The following CACNA2D3 variants were observed in gnomAD, a reference collection of about 807,000 sequenced individuals.
CACNA2D3 encodes the protein voltage-dependent calcium channel subunit alpha-2/delta-3.
Under a neutral mutation model 160.6 loss-of-function variants are expected in CACNA2D3, and 60 were observed. The observed-to-expected ratio is 0.37, with a 90% CI of 0.30 to 0.46. The LOEUF is 0.46. Among genes scored for constraint, CACNA2D3 ranks in the 20% least tolerant of loss-of-function variants. The pLI, the probability that CACNA2D3 is intolerant of heterozygous loss-of-function variation, is 1.00. For missense variants in CACNA2D3, 1,205 were observed against 1,365.0 expected (o/e 0.88, Z 1.85); for synonymous variants, 558 against 492.9 (o/e 1.13, Z -1.75).
At chr3:55,070,382 G>A (rs1403043576) in intron 35 of CACNA2D3, among the ~76,000 whole-genome samples, 1 of 152,150 alleles carries the variant, frequency 6.6e-6, no homozygotes, top group Non-Finnish European at 1.5e-5. Context: ...GTGCTATAAG[G>A]AAAAACAGAG....
At position 54,702,283 on chromosome 3, in the gene CACNA2D3, T is replaced by C. The variant is rs192656162; in HGVS notation, c.1168-50316T>C. Among the ~76,000 whole-genome samples, 309 of 152,298 alleles carry C rather than the reference T, an allele frequency of 2.0e-3. 1 individual carries two copies. The highest frequency in any genetic ancestry group is 6.8e-3 in the African/African-American group (283 of 41,574). On this transcript the variant is annotated intron_variant, in intron 11 of 37. Transcript: ENST00000474759. ...TGGGACCTAACTAAACTGAAGAGCT[T>C]CTGCACAGCAAAAGAAGTTATCAAC...
chr3:54,195,147 C>T (rs978827552), intron 2 of CACNA2D3, among the ~76,000 whole-genome samples: 1 of 152,202 alleles, frequency 6.6e-6, no homozygotes, highest in African/African-American at 2.4e-5. Flanking sequence ...AGTCCCGCCT[C>T]CCAGAGGTCC....
intron 13 of CACNA2D3, among the ~76,000 whole-genome samples, chr3:54,794,110 A>G (rs905548666): frequency 2.6e-5 from 4 of 152,166 alleles, no homozygotes; most frequent in African/African-American, 4.8e-5. Flanking sequence ...ATATATAATG[A>G]TCACACATAT....
At chr3:54,397,292 AG>A (rs1699373672) in intron 4 of CACNA2D3, among the ~76,000 whole-genome samples, 1 of 41,756 alleles carries the variant, frequency 2.4e-5, no homozygotes. Context: ...GATTTTTTGA[AG>A]GGTTTTTTGT....
intron 14 of CACNA2D3, among the ~76,000 whole-genome samples, chr3:54,836,874 G>A (rs1698702316): frequency 1.3e-5 from 2 of 152,220 alleles, no homozygotes; most frequent in Admixed American, 6.5e-5. Context: ...AAATGAATCA[G>A]GAAGATCCAA....
chr3:54,484,403 T>C (rs1425230897), intron 4 of CACNA2D3, among the ~76,000 whole-genome samples: 1 of 152,210 alleles, frequency 6.6e-6, no homozygotes, highest in Non-Finnish European at 1.5e-5. Flanking sequence ...TTTTTTCCTT[T>C]TAATCAGAGA....
intron 9 of CACNA2D3, among the ~76,000 whole-genome samples, chr3:54,602,280 C>G (rs1257746258): frequency 6.6e-6 from 1 of 152,004 alleles, no homozygotes; most frequent in African/African-American, 2.4e-5. Flanking sequence ...GGCGGATCAC[C>G]TGAAGTCAGG....
chr3:54,652,167 G>C lies in CACNA2D3; in HGVS notation c.1167+9926G>C, dbSNP rs112366641. ...CCTCCACACGACCGTCACTCTGGCTGTCTGTATTCTTCATCCCATAGGACT... is the reference window on the plus strand; with the variant it reads ...CCTCCACACGACCGTCACTCTGGCTCTCTGTATTCTTCATCCCATAGGACT... On this transcript the variant is annotated intron_variant, in intron 11 of 37. Coordinates refer to ENST00000474759, the MANE Select transcript of CACNA2D3 (RefSeq NM_018398.3). 1.3e-3 allele frequency among the ~76,000 whole-genome samples: 196 copies of C among 151,996 alleles called. 1 individual carries two copies. The highest frequency in any genetic ancestry group is 4.4e-3 in the African/African-American group (183 of 41,538).
rs574522019 is a variant in CACNA2D3, at chr3:54,933,867, C to T, written c.2449+33999C>T. Among the ~76,000 whole-genome samples, 4 of 151,778 alleles carry T rather than the reference C, an allele frequency of 2.6e-5. No homozygotes were observed. In the East Asian group the frequency reaches 7.8e-4, roughly 30 times the overall value. On this transcript the variant is annotated intron_variant, in intron 27 of 37. Transcript: ENST00000474759. ...TACTGCAACCTCCACCTCCCAGGTT[C>T]AAGCAATTCTCCTGCCTCAGCCTCC...
In CACNA2D3 at chr3:54,924,596, G is replaced by T. The variant is rs762226202; in HGVS notation, c.2449+24728G>T. On this transcript the variant is annotated intron_variant, in intron 27 of 37. Transcript: ENST00000474759. ...CTAGGCTGGTAACACACAGATGGGG[G>T]GTTCCAAATAGACATGACTGACCTT... The T allele has an allele frequency of 1.2e-5, 19 of 1,554,542 alleles. No homozygotes were observed. The South Asian group carries it at 1.9e-4, about 16-fold the overall frequency.
chr3:54,857,913 G>A (rs1039192833), intron 17 of CACNA2D3, among the ~76,000 whole-genome samples: 6 of 152,122 alleles, frequency 3.9e-5, no homozygotes, highest in Non-Finnish European at 7.3e-5. Flanking sequence ...GTACCAAGGA[G>A]CCTTGGCTTT....
At chr3:54,886,001 G>T (rs563642028) in intron 23 of CACNA2D3, among the ~76,000 whole-genome samples, 1 of 152,240 alleles carries the variant, frequency 6.6e-6, no homozygotes, top group Non-Finnish European at 1.5e-5. Context: ...GTCACGACGG[G>T]GACACGTAGC....
At chr3:54,184,652 G>T (rs1348422008) in intron 2 of CACNA2D3, among the ~76,000 whole-genome samples, 1 of 152,214 alleles carries the variant, frequency 6.6e-6, no homozygotes, top group African/African-American at 2.4e-5. Context: ...TATGGTTTAT[G>T]TGGGTTATTA....
At chr3:54,498,325 C>G (rs73091668) in intron 4 of CACNA2D3, among the ~76,000 whole-genome samples, 1 of 151,788 alleles carries the variant, frequency 6.6e-6, no homozygotes, top group Non-Finnish European at 1.5e-5. Flanking sequence ...ATTTCTGTTT[C>G]CCAAGGAGTT....
chr3:54,715,893 G>A (rs1701041896), intron 11 of CACNA2D3, among the ~76,000 whole-genome samples: 1 of 152,156 alleles, frequency 6.6e-6, no homozygotes, highest in Non-Finnish European at 1.5e-5. Flanking sequence ...GTTGCCAGGG[G>A]CTGGGAAGTA....
chr3:54,320,469 G>A lies in CACNA2D3; in HGVS notation c.232G>A (p.Ala78Thr). ...KKYKEYEKDV[A>T]IEEIDGLQLV... is the part of the protein sequence containing the mutation. ...ATACAAAGAGTATGAGAAAGACGTT[G>A]CCATAGAAGAAATTGATGGCCTCCA... is the stretch of plus-strand genomic sequence containing the variant. Residue 78 changes from alanine (A) to threonine (T), a missense_variant, in exon 3 of 38, where the codon GCC becomes ACC. Ala to Thr is a moderately conservative substitution (Grantham distance 58, BLOSUM62 0). Around this residue, in one of 3 missense-constraint regions of CACNA2D3, gnomAD observed 163 missense variants for 161.3 expected, o/e 1.01. Coordinates refer to ENST00000474759, the MANE Select transcript of CACNA2D3 (RefSeq NM_018398.3). 1.3e-6 allele frequency: 2 copies of A among 1,557,942 alleles called. No individual in the cohort carries two copies. Among genetic ancestry groups the A allele is most frequent in the Non-Finnish European group, 1.7e-6 (2 of 1,149,022 alleles).
At chr3:54,813,721 T>G (rs995665172) in intron 13 of CACNA2D3, among the ~76,000 whole-genome samples, 1 of 152,118 alleles carries the variant, frequency 6.6e-6, no homozygotes, top group Non-Finnish European at 1.5e-5. Flanking sequence ...TCATGGAGTT[T>G]GTGACCTAGC....
At chr3:54,138,961 G>C (rs1432693638) in intron 2 of CACNA2D3, among the ~76,000 whole-genome samples, 3 of 152,224 alleles carry the variant, frequency 2.0e-5, no homozygotes, top group Admixed American at 2.0e-4. Context: ...GGCAGGATGT[G>C]GTTGGACCAG....
chr3:54,911,092 G>A (rs1266425722), intron 27 of CACNA2D3, among the ~76,000 whole-genome samples: 3 of 151,944 alleles, frequency 2.0e-5, no homozygotes, highest in South Asian at 2.1e-4. Flanking sequence ...TCATTACATC[G>A]TTTCATTCAT....
Sources: allele counts gnomAD v4.1 joint callset (sites outside exome capture counted in the v4.1 genomes callset), GRCh38; gene constraint gnomAD v4.1.1; regional missense constraint gnomAD v4.1.1; transcripts MANE v1.5; gene names NCBI Gene and HGNC (gene_info 2026-07-23, HGNC 2026-07-21).